PCDHGA11: variants seen among roughly 807,000 people sequenced by gnomAD.
The protein encoded by PCDHGA11 is protocadherin gamma-A11.
A neutral mutation model predicts 60.4 loss-of-function variants in PCDHGA11; 39 were observed. That is an observed-to-expected ratio of 0.65 (90% confidence interval 0.50 to 0.84). The LOEUF is 0.84. PCDHGA11 is among the 40% of genes least tolerant of loss of function. PCDHGA11 has a pLI of 0.00. For missense variants in PCDHGA11, 1,165 were observed against 1,197.7 expected, an observed-to-expected ratio of 0.97 and a Z score of 0.40; for synonymous variants, 533 against 510.3, an observed-to-expected ratio of 1.04 and a Z score of -0.60.
Position 141,487,781 on chromosome 5 carries a change from G to T in PCDHGA11, c.2434-7026G>T. ...AGACGCTGTGCTTTGTAACTGTTTC[G>T]TGAATTAACCAGAGTTGTCACAGTT... On this transcript the variant is annotated intron_variant, in intron 1 of 3. Transcript: ENST00000398587. This position sits in a 1 kb window ranked among gnomAD's most constrained non-coding sequence, Gnocchi z 5.0. 2 of 1,526,850 alleles carry T rather than the reference G, an allele frequency of 1.3e-6. No homozygotes were observed. The highest frequency in any genetic ancestry group is 8.8e-7 in the Non-Finnish European group (1 of 1,130,880). The allele number at this position is 1,526,850 out of a possible 1,614,324, so 94.6% of individuals were successfully genotyped here. A position where few individuals can be genotyped will look rare whatever the true frequency, so the allele number is the denominator to read the frequency against.
intron 1 of PCDHGA11, among the ~76,000 whole-genome samples, chr5:141,465,687 T>C (rs1290838979): frequency 1.3e-5 from 2 of 152,248 alleles, no homozygotes; most frequent in Non-Finnish European, 2.9e-5. Flanking sequence ...TTGACCAGTC[T>C]GCTTTTGCAT....
chr5:141,476,267 G>T lies in PCDHGA11; in HGVS notation c.2434-18540G>T, dbSNP rs373758158. 15 of 1,614,056 alleles carry T rather than the reference G, an allele frequency of 9.3e-6. No homozygotes were observed. In the South Asian group the frequency reaches 1.6e-4, roughly 18 times the overall value. On this transcript the variant is annotated intron_variant, in intron 1 of 3. Transcript: ENST00000398587. This position sits in a 1 kb window ranked among gnomAD's most constrained non-coding sequence, Gnocchi z 7.6. ...GAAGGGTTTCGCTGTGGGCAACGTGGTCGCGAACCTTGGTTTGGATCTCGG... is the reference window on the plus strand; with the variant it reads ...GAAGGGTTTCGCTGTGGGCAACGTGTTCGCGAACCTTGGTTTGGATCTCGG...
chr5:141,489,999 G>C lies in PCDHGA11; in HGVS notation c.2434-4808G>C, dbSNP rs772783990. Reference sequence around the variant, plus strand: ...CAGTTCTACGTGTGGGAATCCCAGAGAATGCACCCATTGGTACTCTGCTGC... The same window carrying C: ...CAGTTCTACGTGTGGGAATCCCAGACAATGCACCCATTGGTACTCTGCTGC... On this transcript the variant is annotated intron_variant, in intron 1 of 3. Coordinates refer to ENST00000398587, the MANE Select transcript of PCDHGA11 (RefSeq NM_018914.3). This position sits in a 1 kb window ranked among gnomAD's most constrained non-coding sequence, Gnocchi z 4.5. 6.2e-7 allele frequency: 1 copy of C among 1,614,242 alleles called. No individual in the cohort carries two copies. Among genetic ancestry groups the C allele is most frequent in the East Asian group, 2.2e-5 (1 of 44,886 alleles).
Position 141,423,314 on chromosome 5 carries a change from T to C in PCDHGA11, c.2087T>C (p.Val696Ala). ...TCAGACCTCTCGCTGTACTTGGTGG[T>C]GGCGGTGGCCGCAGTCTCCTGCATC... ...ETSDLSLYLV[V>A]AVAAVSCIFL... Residue 696 changes from valine (V) to alanine (A), a missense_variant, in exon 1 of 4, where the codon GTG becomes GCG. Transcript: ENST00000398587. 1 of 1,614,178 alleles carries C rather than the reference T, an allele frequency of 6.2e-7. No individual in the cohort carries two copies. The highest frequency in any genetic ancestry group is 8.5e-7 in the Non-Finnish European group (1 of 1,180,022).
At position 141,476,786 on chromosome 5, in the gene PCDHGA11, C is replaced by G. The variant is rs2099398607; in HGVS notation, c.2434-18021C>G. 3.1e-6 allele frequency: 5 copies of G among 1,613,444 alleles called. No individual in the cohort carries two copies. The highest frequency in any genetic ancestry group is 1.7e-5 in the Admixed American group (1 of 60,000). ...GGCGTTGGACGGAGGGACCCCAGCTCTCTCCGCCAGCCTGCCTATTCACAT... is the reference window on the plus strand; with the variant it reads ...GGCGTTGGACGGAGGGACCCCAGCTGTCTCCGCCAGCCTGCCTATTCACAT... On this transcript the variant is annotated intron_variant, in intron 1 of 3. Coordinates refer to ENST00000398587, the MANE Select transcript of PCDHGA11 (RefSeq NM_018914.3). The surrounding 1 kb of genome is among the most constrained non-coding windows in gnomAD (Gnocchi z 7.6).
In PCDHGA11 at chr5:141,432,929, C is replaced by T. The variant is rs759937939; in HGVS notation, c.2433+9269C>T. On this transcript the variant is annotated intron_variant, in intron 1 of 3. Coordinates refer to ENST00000398587, the MANE Select transcript of PCDHGA11 (RefSeq NM_018914.3). This position sits in a 1 kb window ranked among gnomAD's most constrained non-coding sequence, Gnocchi z 6.0. ...GCTGCGGCGCTGGCACAAGTCACGCCTGCTGCAGGCTTCAGGAGGCGGCTT... is the reference window on the plus strand; with the variant it reads ...GCTGCGGCGCTGGCACAAGTCACGCTTGCTGCAGGCTTCAGGAGGCGGCTT... The T allele has an allele frequency of 6.2e-7, 1 of 1,614,078 alleles. No individual in the cohort carries two copies. Among genetic ancestry groups the T allele is most frequent in the African/African-American group, 1.3e-5 (1 of 74,948 alleles).
chr5:141,440,393 G>A (rs1444541990), intron 1 of PCDHGA11: 1 of 152,180 alleles, frequency 6.6e-6, no homozygotes, highest in Admixed American at 6.5e-5. Flanking sequence ...TTGAACCCGA[G>A]AGGCAATCGC....
Position 141,490,748 on chromosome 5 carries a change from C to A in PCDHGA11, c.2434-4059C>A. 3.1e-6 allele frequency: 5 copies of A among 1,614,168 alleles called. No individual in the cohort carries two copies. Among genetic ancestry groups the A allele is most frequent in the Non-Finnish European group, 3.4e-6 (4 of 1,180,006 alleles). ...GGAAATCAGGTTCAGGGAGCCCCAGCCTCCTCCTTTGTGTATGTCAACCCA... is the reference window on the plus strand; with the variant it reads ...GGAAATCAGGTTCAGGGAGCCCCAGACTCCTCCTTTGTGTATGTCAACCCA... On this transcript the variant is annotated intron_variant, in intron 1 of 3. Transcript: ENST00000398587. This position sits in a 1 kb window ranked among gnomAD's most constrained non-coding sequence, Gnocchi z 5.4.
intron 1 of PCDHGA11, among the ~76,000 whole-genome samples, chr5:141,444,241 G>A (rs1302797543): frequency 3.1e-5 from 4 of 130,308 alleles, no homozygotes; most frequent in Admixed American, 1.9e-4. Flanking sequence ...GCATGCTCTC[G>A]GCTCACTGCA....
In PCDHGA11 at chr5:141,476,584, C is replaced by G. The variant is rs140544807; in HGVS notation, c.2434-18223C>G. ...TGGCTCCGGGGACGCGCTTTCCGCTCGAGAGCGCGCACGATCCCGATGTGG... is the reference window on the plus strand; with the variant it reads ...TGGCTCCGGGGACGCGCTTTCCGCTGGAGAGCGCGCACGATCCCGATGTGG... On this transcript the variant is annotated intron_variant, in intron 1 of 3. Coordinates refer to ENST00000398587, the MANE Select transcript of PCDHGA11 (RefSeq NM_018914.3). This position sits in a 1 kb window ranked among gnomAD's most constrained non-coding sequence, Gnocchi z 7.6. 1.2e-5 allele frequency: 19 copies of G among 1,614,100 alleles called. No homozygotes were observed. The African/African-American group carries it at 2.3e-4, about 19-fold the overall frequency.
At position 141,421,843 on chromosome 5, in the gene PCDHGA11, G is replaced by C. The variant is rs769652818; in HGVS notation, c.616G>C (p.Glu206Gln). ...VLEGSLDREK[E>Q]AAHLLLLTAL... ...GGAGGGAAGCCTGGACCGAGAGAAA[G>C]AGGCTGCTCACCTGCTCCTCCTCAC... The change falls in exon 1 of 4, where the codon GAG (glutamate) becomes CAG (glutamine). Residue 206 changes from glutamate (E) to glutamine (Q), a missense_variant. Physicochemically the swap from Glu to Gln is conservative, Grantham distance 29. Coordinates refer to ENST00000398587, the MANE Select transcript of PCDHGA11 (RefSeq NM_018914.3). The C allele has an allele frequency of 6.2e-7, 1 of 1,613,798 alleles. No homozygotes were observed. The highest frequency in any genetic ancestry group is 8.5e-7 in the Non-Finnish European group (1 of 1,179,900).
chr5:141,452,463 G>A (rs2098741767), intron 1 of PCDHGA11, among the ~76,000 whole-genome samples: 1 of 152,160 alleles, frequency 6.6e-6, no homozygotes, highest in African/African-American at 2.4e-5. Flanking sequence ...AGCAGACGGA[G>A]CTAGGAAAAA....
At position 141,424,020 on chromosome 5, in the gene PCDHGA11, C is replaced by A. The variant is rs1326303938; in HGVS notation, c.2433+360C>A. ...TATATAGATACAAATTAATGATTCA[C>A]AAACACTTTTTATTTCCATTTCAAT... On this transcript the variant is annotated intron_variant, in intron 1 of 3. Coordinates refer to ENST00000398587, the MANE Select transcript of PCDHGA11 (RefSeq NM_018914.3). 3 of 1,050,122 alleles carry A rather than the reference C, an allele frequency of 2.9e-6. No individual in the cohort carries two copies. In the East Asian group the frequency reaches 2.2e-4, roughly 77 times the overall value. The allele number at this position is 1,050,122 out of a possible 1,614,324, so 65.1% of individuals were successfully genotyped here. A position where few individuals can be genotyped will look rare whatever the true frequency, so the allele number is the denominator to read the frequency against.
At chr5:141,510,124 A>G (rs2099879540) in intron 3 of PCDHGA11, among the ~76,000 whole-genome samples, 1 of 152,156 alleles carries the variant, frequency 6.6e-6, no homozygotes, top group Admixed American at 6.5e-5. Context: ...AAATACAAAA[A>G]TTAGCTGGGC....
chr5:141,431,698 ATT>A lies in PCDHGA11; in HGVS notation c.2433+8039_2433+8040del. The A allele has an allele frequency of 6.2e-7, 1 of 1,614,222 alleles. No homozygotes were observed. Among genetic ancestry groups the A allele is most frequent in the South Asian group, 1.1e-5 (1 of 91,090 alleles). ...GGGAGTTGGACCACGAGGAGTCAGG[ATT>A]CTACCAGATGGAAGTGCAAGCAATG... On this transcript the variant is annotated intron_variant, in intron 1 of 3. Transcript: ENST00000398587. The surrounding 1 kb of genome is among the most constrained non-coding windows in gnomAD (Gnocchi z 4.8).
At chr5:141,458,728 T>A (rs1010109573) in intron 1 of PCDHGA11, among the ~76,000 whole-genome samples, 1 of 151,870 alleles carries the variant, frequency 6.6e-6, no homozygotes, top group Non-Finnish European at 1.5e-5. Context: ...CGCCACCACA[T>A]CCAGCTATTG....
rs1364068033 is a variant in PCDHGA11 at position 141,490,353 on chromosome 5, G to A, written c.2434-4454G>A. 3.1e-6 allele frequency: 5 copies of A among 1,614,090 alleles called. No individual in the cohort carries two copies. The highest frequency in any genetic ancestry group is 4.2e-6 in the Non-Finnish European group (5 of 1,180,046). On this transcript the variant is annotated intron_variant, in intron 1 of 3. Transcript: ENST00000398587. This position sits in a 1 kb window ranked among gnomAD's most constrained non-coding sequence, Gnocchi z 5.4. ...CACCAGTGGGCACAGTAGTGGGGTT[G>A]TTTAATGTGCGAGACCGGGACTCAG...
intron 1 of PCDHGA11, chr5:141,475,966 A>T (rs1252698069): frequency 2.3e-6 from 2 of 888,664 alleles, no homozygotes; most frequent in Admixed American, 5.2e-5. Flanking sequence ...GGGATGAGGC[A>T]GAGACTGAAC....
Position 141,511,451 on chromosome 5 carries a change from A to G in PCDHGA11, c.*278A>G, listed in dbSNP as rs2099883797. On this transcript the variant is annotated 3_prime_UTR_variant, in exon 4 of 4. Coordinates refer to ENST00000398587, the MANE Select transcript of PCDHGA11 (RefSeq NM_018914.3). ...GGGGTTACTGTAGACACCAAGAACC[A>G]TTTGCCACACCCCGTTTAGTTACAG... is the stretch of plus-strand genomic sequence containing the variant. The G allele has an allele frequency of 4.9e-6, 3 of 606,372 alleles. No homozygotes were observed. Among genetic ancestry groups the G allele is most frequent in the Non-Finnish European group, 8.1e-6 (3 of 368,942 alleles). The allele number at this position is 606,372 out of a possible 1,614,324, so 37.6% of individuals were successfully genotyped here.
Sources: allele counts gnomAD v4.1 joint callset (sites outside exome capture counted in the v4.1 genomes callset), GRCh38; gene constraint gnomAD v4.1.1; non-coding constraint Gnocchi (gnomAD v3.1); transcripts MANE v1.5; gene names NCBI Gene and HGNC (gene_info 2026-07-23, HGNC 2026-07-21).